The following PTPRM variants were observed in gnomAD, a reference collection of about 807,000 sequenced individuals.
PTPRM encodes protein tyrosine phosphatase receptor type M.
PTPRM carries 47 observed loss-of-function variants against 186.7 expected under a neutral mutation model. The observed-to-expected ratio is 0.25, with a 90% CI of 0.20 to 0.32. The LOEUF (loss-of-function observed/expected upper bound fraction) is 0.32. Among genes scored for constraint, PTPRM ranks in the 10% least tolerant of loss-of-function variants. The probability of loss-of-function intolerance (pLI) is 1.00; values close to 1 mark genes in which losing one functional copy is unlikely to be tolerated. For synonymous variants in PTPRM, 668 were observed against 674.9 expected (o/e 0.99, Z 0.16); for missense variants, 1,494 against 1,865.0 (o/e 0.80, Z 3.66).
chr18:7,854,466 G>A (rs1228142079), intron 2 of PTPRM, among the ~76,000 whole-genome samples: 1 of 152,108 alleles, frequency 6.6e-6, no homozygotes, highest in East Asian at 1.9e-4. Context: ...GAATGAAATG[G>A]AGCCTAATTT....
At chr18:7,574,981 G>A (rs1014167569) in intron 1 of PTPRM, among the ~76,000 whole-genome samples, 1 of 152,214 alleles carries the variant, frequency 6.6e-6, no homozygotes, top group Non-Finnish European at 1.5e-5. Context: ...GCAGTGAGCC[G>A]AGATCGCGCC....
intron 1 of PTPRM, among the ~76,000 whole-genome samples, chr18:7,586,984 C>A (rs1194164956): frequency 6.6e-6 from 1 of 152,166 alleles, no homozygotes; most frequent in Admixed American, 6.5e-5. Context: ...CTCCCATTTT[C>A]TTTCCCTATA....
At chr18:8,198,436 A>G (rs988849200) in intron 14 of PTPRM, among the ~76,000 whole-genome samples, 2 of 152,210 alleles carry the variant, frequency 1.3e-5, no homozygotes, top group Non-Finnish European at 2.9e-5. Flanking sequence ...GGCATGAACC[A>G]TCACACCCGG....
At chr18:8,344,474 A>ATATATATATATATATATC (rs1318982857) in intron 23 of PTPRM, among the ~76,000 whole-genome samples, 13 of 147,324 alleles carry the variant, frequency 8.8e-5, no homozygotes, top group African/African-American at 2.8e-4. Flanking sequence ...ATATATATAT[A>ATATATATATATATATATC]TCTAGCAAAA....
chr18:7,884,952 GGA>G (rs1052355368), intron 2 of PTPRM, among the ~76,000 whole-genome samples: 64 of 76,464 alleles, frequency 8.4e-4, no homozygotes, highest in Non-Finnish European at 1.6e-3. Flanking sequence ...AAAAAAAAAA[GGA>G]GAGAGAGAAA....
At chr18:8,126,027 A>ATTTTTTTTTTTTTT (rs752110255) in intron 13 of PTPRM, among the ~76,000 whole-genome samples, 10 of 69,536 alleles carry the variant, frequency 1.4e-4, no homozygotes, top group Admixed American at 2.1e-4. Flanking sequence ...ATATATATAT[A>ATTTTTTTTTTTTTT]TTTTAAATCA....
chr18:7,728,631 T>C (rs769883911), intron 1 of PTPRM, among the ~76,000 whole-genome samples: 5 of 152,234 alleles, frequency 3.3e-5, no homozygotes, highest in Non-Finnish European at 7.3e-5. Flanking sequence ...ATGTTCTCCC[T>C]TTGGGTCTTG....
intron 19 of PTPRM, among the ~76,000 whole-genome samples, chr18:8,276,690 T>C (rs1568649806): frequency 6.6e-6 from 1 of 152,150 alleles, no homozygotes; most frequent in Non-Finnish European, 1.5e-5. Context: ...GGTACTGCAA[T>C]CTGAACCACA....
At chr18:8,138,265 C>G (rs1421457569) in intron 13 of PTPRM, among the ~76,000 whole-genome samples, 1 of 151,534 alleles carries the variant, frequency 6.6e-6, no homozygotes, top group Non-Finnish European at 1.5e-5. Flanking sequence ...GAAGAGACGG[C>G]CCAGGGCTCT....
At chr18:8,299,808 G>C (rs2095136727) in intron 20 of PTPRM, among the ~76,000 whole-genome samples, 1 of 152,210 alleles carries the variant, frequency 6.6e-6, no homozygotes, top group Non-Finnish European at 1.5e-5. Flanking sequence ...GTCTGACTAT[G>C]TTCCAGGGAA....
chr18:8,135,574 A>G (rs74997164), intron 13 of PTPRM, among the ~76,000 whole-genome samples: 1 of 152,160 alleles, frequency 6.6e-6, no homozygotes, highest in East Asian at 1.9e-4. Flanking sequence ...AACTTCCTAT[A>G]ATTGGAGACC....
chr18:8,127,854 T>C (rs995161128), intron 13 of PTPRM, among the ~76,000 whole-genome samples: 6 of 152,188 alleles, frequency 3.9e-5, no homozygotes, highest in Non-Finnish European at 7.4e-5. Context: ...GGAACATTCA[T>C]GGAAGTGTAG....
chr18:7,652,261 T>C (rs1339781468), intron 1 of PTPRM, among the ~76,000 whole-genome samples: 1 of 152,084 alleles, frequency 6.6e-6, no homozygotes, highest in Non-Finnish European at 1.5e-5. Context: ...CAACAGGTGC[T>C]GGAGAGGATG....
chr18:8,191,947 A>G (rs971043144), intron 14 of PTPRM, among the ~76,000 whole-genome samples: 2 of 152,198 alleles, frequency 1.3e-5, no homozygotes, highest in South Asian at 4.1e-4. Context: ...CTGAACACAT[A>G]TCATTTTCTA....
chr18:8,360,157 G>A (rs1055516607), intron 23 of PTPRM, among the ~76,000 whole-genome samples: 2 of 152,204 alleles, frequency 1.3e-5, no homozygotes, highest in Admixed American at 1.3e-4. Context: ...AAAGACATCA[G>A]TATCTCTACT....
At chr18:7,966,486 C>T (rs561456522) in intron 7 of PTPRM, among the ~76,000 whole-genome samples, 1 of 152,204 alleles carries the variant, frequency 6.6e-6, no homozygotes, top group East Asian at 1.9e-4. Flanking sequence ...CTCCGGTCTA[C>T]AGCTCCCAGC....
chr18:8,364,097 C>G (rs1053530078), intron 23 of PTPRM, among the ~76,000 whole-genome samples: 6 of 152,144 alleles, frequency 3.9e-5, no homozygotes, highest in Non-Finnish European at 7.4e-5. Flanking sequence ...TGATGTAGTG[C>G]CAGTTTTGAA....
At chr18:7,659,538 T>C (rs1568011608) in intron 1 of PTPRM, among the ~76,000 whole-genome samples, 1 of 152,196 alleles carries the variant, frequency 6.6e-6, no homozygotes. Flanking sequence ...AGGACAGGCC[T>C]GGCTTACCTT....
intron 23 of PTPRM, among the ~76,000 whole-genome samples, chr18:8,347,814 A>G (rs1170943351): frequency 6.6e-6 from 1 of 152,140 alleles, no homozygotes; most frequent in Non-Finnish European, 1.5e-5. Context: ...TAAAAAAAAA[A>G]ATTTCTTCCA....
Sources: gnomAD v4.1 joint callset for allele counts (sites outside exome capture counted in the v4.1 genomes callset) on GRCh38, gnomAD v4.1.1 for gene constraint, MANE v1.5 for transcripts, NCBI Gene and HGNC (gene_info 2026-07-23, HGNC 2026-07-21) for gene names.